The following XPR1 variants were observed in gnomAD, a reference collection of about 807,000 sequenced individuals.
The protein encoded by XPR1 is solute carrier family 53 member 1.
In XPR1, 28 loss-of-function variants were observed where a neutral mutation model predicts 87.5. The ratio of observed to expected loss-of-function variants is 0.32; its 90% CI spans 0.24 to 0.44. The LOEUF (loss-of-function observed/expected upper bound fraction) is 0.44. Ranked by LOEUF, XPR1 falls within the 20% of genes least tolerant of loss-of-function variation. XPR1 has a pLI of 1.00. For synonymous variants in XPR1, 300 were observed against 306.1 expected, an observed-to-expected ratio of 0.98 and a Z score of 0.21; for missense variants, 559 against 862.3, an observed-to-expected ratio of 0.65 and a Z score of 4.41.
chr1:180,836,256 G>A (rs1168024503), intron 10 of XPR1, among the ~76,000 whole-genome samples: 1 of 151,920 alleles, frequency 6.6e-6, no homozygotes, highest in Non-Finnish European at 1.5e-5. Flanking sequence ...TACTCAAAAG[G>A]CTGAGATGAG....
chr1:180,673,942 T>G (rs1045600338), intron 1 of XPR1, among the ~76,000 whole-genome samples: 2 of 152,216 alleles, frequency 1.3e-5, no homozygotes, highest in Non-Finnish European at 2.9e-5. Context: ...CTGAGACATA[T>G]CTCATGCATA....
chr1:180,694,025 A>G (rs539051485), intron 2 of XPR1, among the ~76,000 whole-genome samples: 1 of 152,276 alleles, frequency 6.6e-6, no homozygotes, highest in African/African-American at 2.4e-5. Context: ...TGGCAAAATC[A>G]TAGCCCACTG....
chr1:180,710,997 G>A (rs1234052417), intron 2 of XPR1, among the ~76,000 whole-genome samples: 4 of 148,090 alleles, frequency 2.7e-5, no homozygotes, highest in Non-Finnish European at 6.0e-5. Context: ...GGGCGGAGGG[G>A]CTCCTCACTT....
intron 6 of XPR1, among the ~76,000 whole-genome samples, chr1:180,807,001 CAAAGTATATT>C (rs1650016342): frequency 6.6e-6 from 1 of 151,944 alleles, no homozygotes; most frequent in Admixed American, 6.5e-5. Context: ...TTAAGTCATG[CAAAGTATATT>C]TTCAGACAAC....
intron 7 of XPR1, among the ~76,000 whole-genome samples, chr1:180,823,684 G>T (rs556617040): frequency 2.0e-5 from 3 of 152,150 alleles, no homozygotes; most frequent in Non-Finnish European, 4.4e-5. Context: ...ATAGAATAAT[G>T]ATATTGAACA....
intron 1 of XPR1, among the ~76,000 whole-genome samples, chr1:180,649,291 G>A (rs1332367668): frequency 6.6e-6 from 1 of 151,978 alleles, no homozygotes; most frequent in African/African-American, 2.4e-5. Context: ...AATTATCTGG[G>A]CATGGTGGCG....
At chr1:180,675,127 G>A (rs1385968515) in intron 1 of XPR1, among the ~76,000 whole-genome samples, 1 of 152,102 alleles carries the variant, frequency 6.6e-6, no homozygotes, top group Non-Finnish European at 1.5e-5. Flanking sequence ...CAATTTAGAA[G>A]TTTATTTTAC....
At chr1:180,644,774 A>G (rs1655059353) in intron 1 of XPR1, among the ~76,000 whole-genome samples, 1 of 151,956 alleles carries the variant, frequency 6.6e-6, no homozygotes, top group African/African-American at 2.4e-5. Flanking sequence ...GGGATGATTC[A>G]AGCGTGTTAC....
At chr1:180,665,808 A>G (rs11487432) in intron 1 of XPR1, among the ~76,000 whole-genome samples, 19,840 of 152,146 alleles carry the variant, frequency 0.13, 1,780 homozygotes, top group African/African-American at 0.25. Context: ...TCAGTGATAC[A>G]GAGTAAAAAC....
chr1:180,653,936 T>G (rs1655369787), intron 1 of XPR1, among the ~76,000 whole-genome samples: 1 of 152,166 alleles, frequency 6.6e-6, no homozygotes, highest in Admixed American at 6.5e-5. Flanking sequence ...AATTTTCCAC[T>G]TGTATTTTTG....
chr1:180,724,463 T>C lies in XPR1; in HGVS notation c.121+42052T>C, dbSNP rs115137330. Among the ~76,000 whole-genome samples, 697 of 152,306 alleles carry C rather than the reference T, an allele frequency of 4.6e-3. 12 individuals are homozygous for C. Among genetic ancestry groups the C allele is most frequent in the African/African-American group, 0.016 (674 of 41,558 alleles). ...AAGTTGTAAAATATAATTTTTAATA[T>C]ACAGTATTTTTAAATGGAGGAAGTG... On this transcript the variant is annotated intron_variant, in intron 2 of 14. Coordinates refer to ENST00000367590, the MANE Select transcript of XPR1 (RefSeq NM_004736.4).
chr1:180,692,555 G>T (rs1571730596), intron 2 of XPR1, among the ~76,000 whole-genome samples: 1 of 152,180 alleles, frequency 6.6e-6, no homozygotes, highest in East Asian at 1.9e-4. Context: ...AAAGTGATTT[G>T]CATATTCATT....
At chr1:180,680,174 A>G (rs1656517549) in intron 1 of XPR1, among the ~76,000 whole-genome samples, 1 of 152,102 alleles carries the variant, frequency 6.6e-6, no homozygotes, top group African/African-American at 2.4e-5. Context: ...ACAGTGAGGT[A>G]TCATCTCACC....
At chr1:180,684,209 T>C (rs2101947224) in intron 2 of XPR1, among the ~76,000 whole-genome samples, 1 of 152,366 alleles carries the variant, frequency 6.6e-6, no homozygotes, top group South Asian at 2.1e-4. Flanking sequence ...CCCAGCACCA[T>C]TTATTAAATA....
Position 180,824,621 on chromosome 1 carries a change from A to G in XPR1, c.764-132A>G, listed in dbSNP as rs796513587. 51 of 725,244 alleles carry G rather than the reference A, an allele frequency of 7.0e-5. No individual in the cohort carries two copies. In the African/African-American group the frequency reaches 8.6e-4, roughly 12 times the overall value. The allele number at this position is 725,244 out of a possible 1,614,324, so 44.9% of individuals were successfully genotyped here. On this transcript the variant is annotated intron_variant, in intron 7 of 14. Coordinates refer to ENST00000367590, the MANE Select transcript of XPR1 (RefSeq NM_004736.4). ...ATAGATAGATAGATAGATGATAGAT[A>G]ATCTAGGTTTAGGTTTTATTTATGA...
chr1:180,855,899 C>T (rs1652012650), intron 11 of XPR1, among the ~76,000 whole-genome samples: 1 of 152,072 alleles, frequency 6.6e-6, no homozygotes, highest in East Asian at 1.9e-4. Flanking sequence ...ACAAGGTGTC[C>T]TTCCTCCTGT....
chr1:180,746,997 T>G (rs1386253598), intron 2 of XPR1, among the ~76,000 whole-genome samples: 2 of 152,194 alleles, frequency 1.3e-5, no homozygotes, highest in East Asian at 3.8e-4. Context: ...GGTTAATATT[T>G]CAAATTGAAA....
intron 2 of XPR1, among the ~76,000 whole-genome samples, chr1:180,705,761 C>CA (rs1282893527): frequency 6.6e-6 from 1 of 151,220 alleles, no homozygotes; most frequent in South Asian, 2.1e-4. Context: ...CTTGACATGG[C>CA]AAAAAAAAGT....
intron 7 of XPR1, among the ~76,000 whole-genome samples, chr1:180,819,938 TG>T (rs1430622147): frequency 1.3e-5 from 2 of 151,666 alleles, no homozygotes; most frequent in Non-Finnish European, 2.9e-5. Flanking sequence ...GAGAATCACT[TG>T]GACCCAGGAG....
Sources: gnomAD v4.1 joint callset for allele counts (sites outside exome capture counted in the v4.1 genomes callset) on GRCh38, gnomAD v4.1.1 for gene constraint, MANE v1.5 for transcripts, NCBI Gene and HGNC (gene_info 2026-07-23, HGNC 2026-07-21) for gene names.